The following BTBD6 variants were observed in gnomAD, a reference collection of about 807,000 sequenced individuals.
BTBD6 encodes BTB domain containing 6, also known as BTB/POZ domain-containing protein 6.
In BTBD6, 30 loss-of-function variants were observed where a neutral mutation model predicts 40.6. The ratio of observed to expected loss-of-function variants is 0.74; its 90% CI spans 0.55 to 1.00. The LOEUF (loss-of-function observed/expected upper bound fraction) is 1.00. Ranked by LOEUF, BTBD6 falls within the 50% of genes least tolerant of loss-of-function variation. BTBD6 has a pLI of 0.00. For missense variants in BTBD6, 698 were observed against 694.6 expected (o/e 1.00, Z -0.06); for synonymous variants, 378 against 308.7 (o/e 1.22, Z -2.35).
rs2055564127 is a variant in BTBD6, at chr14:105,250,828, C to T, written c.*156C>T. 1 of 789,992 alleles carries T rather than the reference C, an allele frequency of 1.3e-6. No homozygotes were observed. Among genetic ancestry groups the T allele is most frequent in the East Asian group, 2.7e-5 (1 of 36,918 alleles). The allele number at this position is 789,992 out of a possible 1,614,324, so 48.9% of individuals were successfully genotyped here. A position where few individuals can be genotyped will look rare whatever the true frequency, so the allele number is the denominator to read the frequency against. On this transcript the variant is annotated 3_prime_UTR_variant, in exon 4 of 4. Coordinates refer to ENST00000392554, the MANE Select transcript of BTBD6 (RefSeq NM_001387567.1). ...CTGTGTAGAGACATTTTCCACACAG[C>T]CAGAACCCAGGGATTGGAGTCTTAG...
Position 105,250,138 on chromosome 14 carries a change from C to T in BTBD6, c.1083C>T (p.Thr361=), listed in dbSNP as rs376877092. ...AQSDILTLEE[T]HSIFLWYTAT... ...CAGACATCCTGACTCTGGAGGAGAC[C>T]CACAGCATCTTCCTGTGGTACACGG... Residue 361 remains threonine, a synonymous_variant, in exon 4 of 4, where the codon ACC becomes ACT. Transcript: ENST00000392554. 12 of 1,612,984 alleles carry T rather than the reference C, an allele frequency of 7.4e-6. No homozygotes were observed. Among genetic ancestry groups the T allele is most frequent in the Non-Finnish European group, 4.2e-6 (5 of 1,180,034 alleles).
Position 105,250,660 on chromosome 14 carries a change from T to C in BTBD6, c.1605T>C (p.Ile535=). The C allele has an allele frequency of 6.2e-7, 1 of 1,607,460 alleles. No individual in the cohort carries two copies. The highest frequency in any genetic ancestry group is 8.5e-7 in the Non-Finnish European group (1 of 1,175,600). The change falls in exon 4 of 4, where the codon ATT becomes ATC. Residue 535 remains isoleucine (I), a synonymous_variant. Transcript: ENST00000392554. The stretch of plus-strand genomic sequence containing the variant: ...AGGGTGGGCAGATCCCTGAGCTCAT[T>C]TTCTATGCCTGAGGTGCCCGGGGAG... ...GVQGGQIPEL[I]FYA
rs2055501098 is a variant in BTBD6 at position 105,250,051 on chromosome 14, C to T, written c.996C>T (p.Ala332=). ...ACAAGAGGCATGTTCTGGGGCGAGC[C>T]CTCTATCTGGTCCGAATTCCAACCA... ...PRNKRHVLGR[A]LYLVRIPTMT... The change falls in exon 4 of 4, where the codon GCC becomes GCT. Residue 332 remains alanine, a synonymous_variant. Coordinates refer to ENST00000392554, the MANE Select transcript of BTBD6 (RefSeq NM_001387567.1). 6.2e-7 allele frequency: 1 copy of T among 1,612,872 alleles called. No homozygotes were observed. Among genetic ancestry groups the T allele is most frequent in the South Asian group, 1.1e-5 (1 of 91,092 alleles).
At position 105,249,771 on chromosome 14, in the gene BTBD6, A is replaced by C; in HGVS notation, c.716A>C (p.Lys239Thr). The C allele has an allele frequency of 1.9e-6, 3 of 1,613,886 alleles. No homozygotes were observed. The highest frequency in any genetic ancestry group is 2.5e-6 in the Non-Finnish European group (3 of 1,180,044). ...TTTCTGGAGACAAGTTTGGAAGCCA[A>C]GAACGCCTGCGTCCTGCTGTCCCAG... ...VNFLETSLEAKNACVLLSQSR... is the reference protein window; with the variant it reads ...VNFLETSLEATNACVLLSQSR... The change falls in exon 4 of 4, where the codon AAG becomes ACG. Residue 239 changes from lysine (K) to threonine (T), a missense_variant. Lys to Thr is a moderately conservative substitution (Grantham distance 78). Transcript: ENST00000392554.
Position 105,250,840 on chromosome 14 carries a change from G to A in BTBD6, c.*168G>A. 5.4e-6 allele frequency: 4 copies of A among 735,912 alleles called. No individual in the cohort carries two copies. The highest frequency in any genetic ancestry group is 2.7e-5 in the East Asian group (1 of 36,576). 45.6% of individuals were successfully genotyped at this position (735,912 alleles called of 1,614,324 possible). A position where few individuals can be genotyped will look rare whatever the true frequency, so the allele number is the denominator to read the frequency against. ...ATTTTCCACACAGCCAGAACCCAGG[G>A]ATTGGAGTCTTAGGCATCTCTGGTA... On this transcript the variant is annotated 3_prime_UTR_variant, in exon 4 of 4. Transcript: ENST00000392554.
chr14:105,248,635 G>A lies in BTBD6; in HGVS notation c.-77G>A, dbSNP rs2055329371. On this transcript the variant is annotated 5_prime_UTR_variant, in exon 1 of 4. Transcript: ENST00000392554. Reference sequence around the variant, plus strand: ...GCCTGGCCGGGCTGCGCTAGGCTGGGCTCGGGCAGGGTCGCAGGGGCGGGG... The same window carrying A: ...GCCTGGCCGGGCTGCGCTAGGCTGGACTCGGGCAGGGTCGCAGGGGCGGGG... 5 of 979,832 alleles carry A rather than the reference G, an allele frequency of 5.1e-6. No homozygotes were observed. The highest frequency in any genetic ancestry group is 9.4e-5 in the South Asian group (2 of 21,290). The allele number at this position is 979,832 out of a possible 1,614,324, so 60.7% of individuals were successfully genotyped here. A position where few individuals can be genotyped will look rare whatever the true frequency, so the allele number is the denominator to read the frequency against.
rs2055517798 is a variant in BTBD6, at chr14:105,250,199, A to G, written c.1144A>G (p.Lys382Glu). 1 of 1,612,936 alleles carries G rather than the reference A, an allele frequency of 6.2e-7. No homozygotes were observed. Among genetic ancestry groups the G allele is most frequent in the Non-Finnish European group, 8.5e-7 (1 of 1,180,030 alleles). ...NKPRLDFPLT[K>E]RKGLAPQRCH... ...GCCCCGCCTGGACTTTCCCCTGACC[A>G]AGAGGAAGGGCCTCGCCCCGCAGAG... is the stretch of plus-strand genomic sequence containing the variant. The change falls in exon 4 of 4, where the codon AAG becomes GAG. Residue 382 changes from lysine (K) to glutamate (E), a missense_variant. Physicochemically the swap from Lys to Glu is moderately conservative, Grantham distance 56. Transcript: ENST00000392554.
rs752956082 is a variant in BTBD6 at position 105,249,907 on chromosome 14, G to C, written c.852G>C (p.Thr284=). The change falls in exon 4 of 4, where the codon ACG becomes ACC. Residue 284 remains threonine (T), a synonymous_variant. Coordinates refer to ENST00000392554, the MANE Select transcript of BTBD6 (RefSeq NM_001387567.1). ...GCTTCTGTGAGATAGACCGGCAGAC[G>C]CTGGAGATCATTGTCACTCGGGAGG... ...SEGFCEIDRQ[T]LEIIVTREAL... 6.2e-7 allele frequency: 1 copy of C among 1,611,168 alleles called. No individual in the cohort carries two copies. The highest frequency in any genetic ancestry group is 8.5e-7 in the Non-Finnish European group (1 of 1,179,968).
In BTBD6 at chr14:105,248,560, G is replaced by A. The variant is rs2055299021; in HGVS notation, c.-152G>A. 22 of 917,192 alleles carry A rather than the reference G, an allele frequency of 2.4e-5. No homozygotes were observed. The highest frequency in any genetic ancestry group is 2.6e-5 in the Non-Finnish European group (20 of 777,366). 56.8% of individuals were successfully genotyped at this position (917,192 alleles called of 1,614,324 possible). A position where few individuals can be genotyped will look rare whatever the true frequency, so the allele number is the denominator to read the frequency against. On this transcript the variant is annotated 5_prime_UTR_variant, in exon 1 of 4. Coordinates refer to ENST00000392554, the MANE Select transcript of BTBD6 (RefSeq NM_001387567.1). ...AGCGTGACGCACCGGCGCCGCGGCG[G>A]GTACGGGCTCGGGCGGGCGGGCGGG... is the stretch of plus-strand genomic sequence containing the variant.
Position 105,250,787 on chromosome 14 carries a change from G to C in BTBD6, c.*115G>C, listed in dbSNP as rs1348301771. 5.4e-6 allele frequency: 6 copies of C among 1,119,398 alleles called. No homozygotes were observed. Among genetic ancestry groups the C allele is most frequent in the Non-Finnish European group, 7.6e-6 (6 of 791,014 alleles). The allele number at this position is 1,119,398 out of a possible 1,614,324, so 69.3% of individuals were successfully genotyped here. On this transcript the variant is annotated 3_prime_UTR_variant, in exon 4 of 4. Transcript: ENST00000392554. ...TAACTTTGTCTCTCTTTGACATGTAGTCAGCTGAAGCTTGACTGTGTAGAG... is the reference window on the plus strand; with the variant it reads ...TAACTTTGTCTCTCTTTGACATGTACTCAGCTGAAGCTTGACTGTGTAGAG...
rs2055304765 is a variant in BTBD6 at position 105,248,569 on chromosome 14, T to TCGGGCGGGCGGC, written c.-132_-131insCCGGGCGGGCGG. 9.2e-6 allele frequency: 5 copies of TCGGGCGGGCGGC among 542,156 alleles called. No individual in the cohort carries two copies. Among genetic ancestry groups the TCGGGCGGGCGGC allele is most frequent in the Non-Finnish European group, 1.1e-5 (5 of 452,686 alleles). The allele number at this position is 542,156 out of a possible 1,614,324, so 33.6% of individuals were successfully genotyped here. A position where few individuals can be genotyped will look rare whatever the true frequency, so the allele number is the denominator to read the frequency against. ...CACCGGCGCCGCGGCGGGTACGGGC[T>TCGGGCGGGCGGC]CGGGCGGGCGGGCGGGCGGGACGGC... is the stretch of plus-strand genomic sequence containing the variant. On this transcript the variant is annotated 5_prime_UTR_variant, in exon 1 of 4. Coordinates refer to ENST00000392554, the MANE Select transcript of BTBD6 (RefSeq NM_001387567.1).
chr14:105,250,507 G>A lies in BTBD6; in HGVS notation c.1452G>A (p.Thr484=), dbSNP rs139544532. The A allele has an allele frequency of 7.4e-4, 1,194 of 1,614,030 alleles. 8 individuals carry two copies. The African/African-American group carries it at 0.014, about 19-fold the overall frequency. ...PVQVEQDTFY[T]ASAVLDGSEL... ...AGGTTGAACAAGACACCTTCTACAC[G>A]GCCAGTGCCGTCCTGGACGGCAGCG... The change falls in exon 4 of 4, where the codon ACG becomes ACA. Residue 484 remains threonine, a synonymous_variant. Coordinates refer to ENST00000392554, the MANE Select transcript of BTBD6 (RefSeq NM_001387567.1).
Position 105,250,086 on chromosome 14 carries a change from A to G in BTBD6, c.1031A>G (p.Glu344Gly). The change falls in exon 4 of 4, where the codon GAG becomes GGG. Residue 344 changes from glutamate (E) to glycine (G), a missense_variant. Physicochemically the swap from Glu to Gly is moderately conservative, Grantham distance 98. Coordinates refer to ENST00000392554, the MANE Select transcript of BTBD6 (RefSeq NM_001387567.1). ...GTCCGAATTCCAACCATGACCCTAG[A>G]GGAGTTTGCCAACGGCGCTGCCCAG... ...YLVRIPTMTL[E>G]EFANGAAQSD... 6.2e-7 allele frequency: 1 copy of G among 1,612,996 alleles called. No homozygotes were observed. The highest frequency in any genetic ancestry group is 2.2e-5 in the East Asian group (1 of 44,878).
Position 105,250,575 on chromosome 14 carries a change from G to A in BTBD6, c.1520G>A (p.Cys507Tyr), listed in dbSNP as rs763874521. The change falls in exon 4 of 4, where the codon TGT becomes TAT. Residue 507 changes from cysteine to tyrosine, a missense_variant. Cys to Tyr is a radical substitution (Grantham distance 194). Coordinates refer to ENST00000392554, the MANE Select transcript of BTBD6 (RefSeq NM_001387567.1). ...FGQEGMTEVQ[C>Y]GKVAFQFQCS... The stretch of plus-strand genomic sequence containing the variant: ...CAGGAGGGGATGACGGAAGTGCAGT[G>A]TGGAAAGGTGGCCTTCCAGTTCCAG... The A allele has an allele frequency of 1.2e-5, 20 of 1,614,016 alleles. No homozygotes were observed. Among genetic ancestry groups the A allele is most frequent in the Admixed American group, 3.3e-5 (2 of 59,994 alleles).
In BTBD6 at chr14:105,250,111, G is replaced by C; in HGVS notation, c.1056G>C (p.Gln352His). 6.2e-7 allele frequency: 1 copy of C among 1,612,988 alleles called. No homozygotes were observed. Among genetic ancestry groups the C allele is most frequent in the Non-Finnish European group, 8.5e-7 (1 of 1,180,044 alleles). The change falls in exon 4 of 4, where the codon CAG (glutamine) becomes CAC (histidine). Residue 352 changes from glutamine to histidine, a missense_variant. Transcript: ENST00000392554. ...TLEEFANGAA[Q>H]SDILTLEETH... ...AGGAGTTTGCCAACGGCGCTGCCCA[G>C]TCAGACATCCTGACTCTGGAGGAGA...
Position 105,250,597 on chromosome 14 carries a change from C to T in BTBD6, c.1542C>T (p.Phe514=). 1 of 1,614,070 alleles carries T rather than the reference C, an allele frequency of 6.2e-7. No individual in the cohort carries two copies. Among genetic ancestry groups the T allele is most frequent in the Non-Finnish European group, 8.5e-7 (1 of 1,180,034 alleles). ...EVQCGKVAFQ[F]QCSSDSTNGT... is the part of the protein sequence containing the mutation. ...AGTGTGGAAAGGTGGCCTTCCAGTT[C>T]CAGTGCTCCTCGGACAGCACCAACG... is the stretch of plus-strand genomic sequence containing the variant. The change falls in exon 4 of 4, where the codon TTC becomes TTT. Residue 514 remains phenylalanine, a synonymous_variant. Transcript: ENST00000392554.
In BTBD6 at chr14:105,249,899, C is replaced by G; in HGVS notation, c.844C>G (p.Arg282Gly). 6 of 1,611,234 alleles carry G rather than the reference C, an allele frequency of 3.7e-6. No individual in the cohort carries two copies. Among genetic ancestry groups the G allele is most frequent in the Non-Finnish European group, 4.2e-6 (5 of 1,179,982 alleles). The change falls in exon 4 of 4, where the codon CGG becomes GGG. Residue 282 changes from arginine (R) to glycine (G), a missense_variant. By Grantham distance (125) the Arg-to-Gly change is moderately radical (BLOSUM62 -2). Transcript: ENST00000392554. ...GTCCGAAGGCTTCTGTGAGATAGAC[C>G]GGCAGACGCTGGAGATCATTGTCAC... ...LRSEGFCEID[R>G]QTLEIIVTRE...
chr14:105,250,078 G>A lies in BTBD6; in HGVS notation c.1023G>A (p.Met341Ile), dbSNP rs1387167376. The change falls in exon 4 of 4, where the codon ATG (methionine) becomes ATA (isoleucine). Residue 341 changes from methionine (M) to isoleucine (I), a missense_variant. By Grantham distance (10) the Met-to-Ile change is conservative. Transcript: ENST00000392554. Reference protein sequence around the residue: ...RALYLVRIPTMTLEEFANGAA... With the variant: ...RALYLVRIPTITLEEFANGAA... ...TCTATCTGGTCCGAATTCCAACCAT[G>A]ACCCTAGAGGAGTTTGCCAACGGCG... 2 of 1,612,870 alleles carry A rather than the reference G, an allele frequency of 1.2e-6. No homozygotes were observed. The highest frequency in any genetic ancestry group is 1.7e-6 in the Non-Finnish European group (2 of 1,180,038).
rs1424773489 is a variant in BTBD6 at position 105,251,092 on chromosome 14, C to T, written c.*420C>T. 1 of 207,082 alleles carries T rather than the reference C, an allele frequency of 4.8e-6. No individual in the cohort carries two copies. The highest frequency in any genetic ancestry group is 1.2e-4 in the East Asian group (1 of 8,228). 12.8% of individuals were successfully genotyped at this position (207,082 alleles called of 1,614,324 possible). The stretch of plus-strand genomic sequence containing the variant: ...CTGTAATAAAGGTTGCCTAAAATAA[C>T]ACCCACGTGTCAGTAAATGACTACA... On this transcript the variant is annotated 3_prime_UTR_variant, in exon 4 of 4. Transcript: ENST00000392554.
Sources: allele counts gnomAD v4.1 joint callset, GRCh38; gene constraint gnomAD v4.1.1; transcripts MANE v1.5; gene names NCBI Gene and HGNC (gene_info 2026-07-23, HGNC 2026-07-21).